The following MCTP1 variants were observed in gnomAD, a reference collection of about 807,000 sequenced individuals.
The protein encoded by MCTP1 is multiple C2 and transmembrane domain containing 1.
Under a neutral mutation model 120.6 loss-of-function variants are expected in MCTP1, and 69 were observed. That is an observed-to-expected ratio of 0.57 (90% CI 0.47 to 0.70). The LOEUF is 0.70. MCTP1 is among the 30% of genes least tolerant of loss of function. The pLI, the probability that MCTP1 is intolerant of heterozygous loss-of-function variation, is 0.00. For missense variants in MCTP1, 1,203 were observed against 1,248.8 expected, an observed-to-expected ratio of 0.96 and a Z score of 0.55; for synonymous variants, 529 against 493.1, an observed-to-expected ratio of 1.07 and a Z score of -0.96.
rs1409371086 is a variant in MCTP1 at position 94,954,151 on chromosome 5, TATATATGC to T, written c.839-798_839-791del. ...ATATATATATGCATATATATACATATATATATGCATATATATACATATATATATATGCA... is the reference window on the plus strand; with the variant it reads ...ATATATATATGCATATATATACATATATATATATACATATATATATATGCA... On this transcript the variant is annotated intron_variant, in intron 2 of 22. Transcript: ENST00000515393. Among the ~76,000 whole-genome samples the T allele has an allele frequency of 1.6e-4, 17 of 104,864 alleles. 6 individuals carry two copies. The highest frequency in any genetic ancestry group is 6.6e-4 in the African/African-American group (17 of 25,864). 68.8% of individuals were successfully genotyped at this position (104,864 alleles called of 152,430 possible). A position where few individuals can be genotyped will look rare whatever the true frequency, so the allele number is the denominator to read the frequency against.
intron 17 of MCTP1, among the ~76,000 whole-genome samples, chr5:94,809,711 A>G (rs1299291136): frequency 6.6e-6 from 1 of 152,144 alleles, no homozygotes; most frequent in Non-Finnish European, 1.5e-5. Context: ...TGACCAATTA[A>G]GAGGAATTGA....
chr5:95,034,334 C>T (rs1040495174), intron 1 of MCTP1, among the ~76,000 whole-genome samples: 1 of 151,924 alleles, frequency 6.6e-6, no homozygotes, highest in Non-Finnish European at 1.5e-5. Context: ...TACTACAAGG[C>T]TATAATAACC....
chr5:95,092,074 A>G (rs969458388), intron 1 of MCTP1, among the ~76,000 whole-genome samples: 4 of 152,224 alleles, frequency 2.6e-5, no homozygotes, highest in African/African-American at 7.2e-5. Flanking sequence ...ACATTTCACA[A>G]AACTATCATT....
In MCTP1 at chr5:94,924,007, AT is replaced by A; in HGVS notation, c.1226del (p.Asn409MetfsTer10). On this transcript the variant is annotated frameshift_variant, in exon 7 of 23. Coordinates refer to ENST00000515393, the MANE Select transcript of MCTP1 (RefSeq NM_024717.7). LOFTEE classifies it high-confidence loss of function. ...CAGAGAAATAAGATCCAACCACTTCATTTTCTGAAAGTTCCTAGAAACAAAC... is the reference window on the plus strand; with the variant it reads ...CAGAGAAATAAGATCCAACCACTTCATTTCTGAAAGTTCCTAGAAACAAAC... ...WKRSSKELSE[N>X]EVVGSYFSVK... 6.6e-7 allele frequency: 1 copy of A among 1,506,008 alleles called. No individual in the cohort carries two copies. The highest frequency in any genetic ancestry group is 2.4e-5 in the Admixed American group (1 of 41,822). 93.3% of individuals were successfully genotyped at this position (1,506,008 alleles called of 1,614,324 possible). A position where few individuals can be genotyped will look rare whatever the true frequency, so the allele number is the denominator to read the frequency against.
At chr5:95,090,431 G>A (rs1755757277) in intron 1 of MCTP1, among the ~76,000 whole-genome samples, 1 of 152,022 alleles carries the variant, frequency 6.6e-6, no homozygotes, top group Admixed American at 6.6e-5. Context: ...TTCTCCTGCC[G>A]CTTAAATGCT....
chr5:94,715,522 A>G (rs1188515976), intron 19 of MCTP1, among the ~76,000 whole-genome samples: 1 of 152,162 alleles, frequency 6.6e-6, no homozygotes, highest in Non-Finnish European at 1.5e-5. Context: ...ATTAGGTTCT[A>G]ACTAAACATT....
intron 18 of MCTP1, chr5:94,789,529 G>A (rs1323171971): frequency 1.3e-5 from 2 of 152,170 alleles, no homozygotes; most frequent in Non-Finnish European, 2.9e-5. Flanking sequence ...AACTCAAAAA[G>A]TATTAAAACC....
chr5:94,962,276 C>T (rs1451344003), intron 2 of MCTP1, among the ~76,000 whole-genome samples: 13 of 151,904 alleles, frequency 8.6e-5, no homozygotes, highest in Non-Finnish European at 1.5e-5. Flanking sequence ...CTATTTAATC[C>T]AACAATCCCA....
At chr5:94,739,657 TTTTG>T (rs762853296) in intron 19 of MCTP1, among the ~76,000 whole-genome samples, 42 of 152,188 alleles carry the variant, frequency 2.8e-4, no homozygotes, top group Admixed American at 9.8e-4. Context: ...TTTAAGGTAG[TTTTG>T]TTTGTTTGTT....
At chr5:95,022,019 G>A (rs1838283512) in intron 1 of MCTP1, among the ~76,000 whole-genome samples, 1 of 151,986 alleles carries the variant, frequency 6.6e-6, no homozygotes, top group Non-Finnish European at 1.5e-5. Flanking sequence ...ATAGATTTTT[G>A]TAACATTGAA....
intron 8 of MCTP1, among the ~76,000 whole-genome samples, chr5:94,916,049 G>C (rs1809972553): frequency 6.6e-6 from 1 of 152,094 alleles, no homozygotes; most frequent in Non-Finnish European, 1.5e-5. Flanking sequence ...ATTCTATTCA[G>C]ATATTTTTTA....
chr5:94,905,141 A>C (rs545161683), intron 10 of MCTP1, among the ~76,000 whole-genome samples: 208 of 152,240 alleles, frequency 1.4e-3, no homozygotes, highest in African/African-American at 4.9e-3. Flanking sequence ...TCCCTGAAGA[A>C]AGTTAGATAG....
At chr5:94,899,864 C>T (rs1428277133) in intron 10 of MCTP1, among the ~76,000 whole-genome samples, 3 of 152,176 alleles carry the variant, frequency 2.0e-5, no homozygotes, top group Non-Finnish European at 4.4e-5. Context: ...TTCTTTCTCA[C>T]TCTCACTGTC....
chr5:94,755,782 C>CTGTAA (rs953161038), intron 19 of MCTP1, among the ~76,000 whole-genome samples: 4 of 152,284 alleles, frequency 2.6e-5, no homozygotes, highest in African/African-American at 9.6e-5. Context: ...TCATACTCAA[C>CTGTAA]TTCCTCTGCC....
At chr5:95,280,093 T>C (rs565068795) in intron 1 of MCTP1, among the ~76,000 whole-genome samples, 5 of 152,372 alleles carry the variant, frequency 3.3e-5, no homozygotes, top group South Asian at 2.1e-4. Context: ...ACCCAAGTCA[T>C]GTTTTTGAAT....
chr5:95,061,626 G>A lies in MCTP1; in HGVS notation c.721-44142C>T, dbSNP rs549187644. On this transcript the variant is annotated intron_variant, in intron 1 of 22. Coordinates refer to ENST00000515393, the MANE Select transcript of MCTP1 (RefSeq NM_024717.7). Reference sequence around the variant, plus strand: ...AATTTTTTGTATTTTTAGTAGAGACGGGGTTTCACCGTGTTAGCCGGGATG... The same window carrying A: ...AATTTTTTGTATTTTTAGTAGAGACAGGGTTTCACCGTGTTAGCCGGGATG... 4.8e-4 allele frequency among the ~76,000 whole-genome samples: 72 copies of A among 150,958 alleles called. 2 individuals are homozygous for A. The Middle Eastern group carries it at 0.014, about 29-fold the overall frequency.
At chr5:94,725,392 T>G (rs535551589) in intron 19 of MCTP1, among the ~76,000 whole-genome samples, 1 of 152,336 alleles carries the variant, frequency 6.6e-6, no homozygotes, top group South Asian at 2.1e-4. Flanking sequence ...TGAGTGAGAA[T>G]ACCAAAGCTT....
At chr5:94,714,936 TG>T (rs1758521624) in intron 19 of MCTP1, 50 bp from the exon 20 acceptor site, 2 of 1,061,066 alleles carry the variant, frequency 1.9e-6, no homozygotes, top group Non-Finnish European at 2.9e-6. Flanking sequence ...TATTCTTCAT[TG>T]CTTGAATTCT....
rs70978134 is a variant in MCTP1 at position 94,847,646 on chromosome 5, CTGTGTG to C, written c.2436+20681_2436+20686del. 6.3e-3 allele frequency among the ~76,000 whole-genome samples: 731 copies of C among 115,648 alleles called. 5 individuals are homozygous for C. The highest frequency in any genetic ancestry group is 0.026 in the Middle Eastern group (6 of 232). The allele number at this position is 115,648 out of a possible 152,430, so 75.9% of individuals were successfully genotyped here. ...ACTGATCATATTAAGAAGCAGCAAT[CTGTGTG>C]TGTGTGTGTGTGTGTGTGTGTGTGT... On this transcript the variant is annotated intron_variant, in intron 17 of 22. Coordinates refer to ENST00000515393, the MANE Select transcript of MCTP1 (RefSeq NM_024717.7).
Sources: gnomAD v4.1 joint callset for allele counts (sites outside exome capture counted in the v4.1 genomes callset) on GRCh38, gnomAD v4.1.1 for gene constraint, MANE v1.5 for transcripts, NCBI Gene and HGNC (gene_info 2026-07-23, HGNC 2026-07-21) for gene names.